Variants in SPATS2 observed in about 807,000 individuals in gnomAD.
The protein encoded by SPATS2 is spermatogenesis associated serine rich 2.
Under a neutral mutation model 63.7 loss-of-function variants are expected in SPATS2, and 38 were observed. That is an observed-to-expected ratio of 0.60 (90% confidence interval 0.46 to 0.78). The LOEUF (loss-of-function observed/expected upper bound fraction) is 0.78, where lower values mean the gene tolerates loss of function less well. SPATS2 is among the 30% of genes least tolerant of loss of function. The pLI is 0.00. For missense variants in SPATS2, 588 were observed against 666.2 expected (o/e 0.88, Z 1.29); for synonymous variants, 207 against 232.9 (o/e 0.89, Z 1.01).
Position 49,526,348 on chromosome 12 carries a change from G to A in SPATS2, c.*93G>A. 7.1e-7 allele frequency: 1 copy of A among 1,403,610 alleles called. No individual in the cohort carries two copies. Among genetic ancestry groups the A allele is most frequent in the Non-Finnish European group, 9.5e-7 (1 of 1,052,324 alleles). 86.9% of individuals were successfully genotyped at this position (1,403,610 alleles called of 1,614,324 possible). A position where few individuals can be genotyped will look rare whatever the true frequency, so the allele number is the denominator to read the frequency against. On this transcript the variant is annotated 3_prime_UTR_variant, in exon 14 of 14. Transcript: ENST00000552918. ...TTACAGTTAGATGTAATAACAAAAA[G>A]AAGTTTATGCGTATCACTTTTTGTG... is the stretch of plus-strand genomic sequence containing the variant.
At chr12:49,518,697 G>A (rs1365876391) in intron 10 of SPATS2, among the ~76,000 whole-genome samples, 2 of 152,148 alleles carry the variant, frequency 1.3e-5, no homozygotes, top group African/African-American at 4.8e-5. Context: ...CGTTTCCCCT[G>A]GAGAGGAGAC....
intron 12 of SPATS2, among the ~76,000 whole-genome samples, chr12:49,523,908 T>A (rs1424831331): frequency 6.6e-6 from 1 of 151,662 alleles, no homozygotes; most frequent in Non-Finnish European, 1.5e-5. Context: ...GCTGAGATTG[T>A]GCCACTGCAC....
chr12:49,446,404 G>C (rs1945511682), intron 2 of SPATS2, among the ~76,000 whole-genome samples: 1 of 152,210 alleles, frequency 6.6e-6, no homozygotes, highest in South Asian at 2.1e-4. Context: ...TGAAACCAAG[G>C]CAAGGCTTTG....
At chr12:49,522,673 T>C in intron 11 of SPATS2, 78 bp from the exon 12 acceptor site, 1 of 1,170,240 alleles carries the variant, frequency 8.5e-7, no homozygotes. Context: ...AAAATGATTG[T>C]TTAATCTGTA....
chr12:49,495,674 A>T (rs1183839267), intron 7 of SPATS2, among the ~76,000 whole-genome samples: 4 of 152,302 alleles, frequency 2.6e-5, no homozygotes, highest in Non-Finnish European at 2.9e-5. Context: ...TGCAAAAATT[A>T]AAAAAATTGC....
intron 11 of SPATS2, 109 bp from the exon 12 acceptor site, chr12:49,522,642 G>C (rs1447109230): frequency 2.4e-6 from 2 of 829,114 alleles, no homozygotes; most frequent in African/African-American, 3.4e-5. Context: ...AATAAACTTT[G>C]AAGCAATAAA....
In SPATS2 at chr12:49,470,568, A is replaced by G. The variant is rs12314311; in HGVS notation, c.25+9531A>G. Among the ~76,000 whole-genome samples the G allele has an allele frequency of 1.3e-3, 195 of 152,322 alleles. 1 individual carries two copies. Among genetic ancestry groups the G allele is most frequent in the African/African-American group, 4.2e-3 (176 of 41,582 alleles). ...TAGAGATCAGAGAAAGAAAAATATA[A>G]CTTAGGAGCAGTTCACCAGCTGGTA... On this transcript the variant is annotated intron_variant, in intron 3 of 13. Coordinates refer to ENST00000552918, the MANE Select transcript of SPATS2 (RefSeq NM_023071.4).
intron 9 of SPATS2, among the ~76,000 whole-genome samples, chr12:49,508,841 A>G (rs1447150330): frequency 6.6e-6 from 1 of 151,470 alleles, no homozygotes; most frequent in East Asian, 1.9e-4. Context: ...AGGCGGGTGG[A>G]TCATCTGAGG....
rs576914159 is a variant in SPATS2, at chr12:49,457,538, A to G, written c.-243-3232A>G. Among the ~76,000 whole-genome samples, 5 of 152,030 alleles carry G rather than the reference A, an allele frequency of 3.3e-5. No individual in the cohort carries two copies. The South Asian group carries it at 1.0e-3, about 32-fold the overall frequency. ...AACCTCCGCCTCCCGGGTTCAAGCA[A>G]TTCTCCTTCCTCAGCCTCCCGAGTA... On this transcript the variant is annotated intron_variant, in intron 2 of 13. Coordinates refer to ENST00000552918, the MANE Select transcript of SPATS2 (RefSeq NM_023071.4).
At chr12:49,503,688 G>A (rs1946607891) in intron 9 of SPATS2, among the ~76,000 whole-genome samples, 1 of 152,012 alleles carries the variant, frequency 6.6e-6, no homozygotes, top group African/African-American at 2.4e-5. Context: ...AGTGTAGTAG[G>A]TCATCACAAC....
intron 3 of SPATS2, among the ~76,000 whole-genome samples, chr12:49,464,712 C>G (rs1945881297): frequency 6.6e-6 from 1 of 151,650 alleles, no homozygotes; most frequent in East Asian, 1.9e-4. Flanking sequence ...TGTTACAGTC[C>G]CAGCTATTTG....
intron 2 of SPATS2, among the ~76,000 whole-genome samples, chr12:49,456,315 G>A (rs780893643): frequency 1.2e-4 from 18 of 152,166 alleles, no homozygotes; most frequent in Non-Finnish European, 2.5e-4. Context: ...AGTATTCCAT[G>A]TAGATAACTG....
At chr12:49,514,216 T>A (rs977711013) in intron 9 of SPATS2, among the ~76,000 whole-genome samples, 1 of 147,492 alleles carries the variant, frequency 6.8e-6, no homozygotes, top group Non-Finnish European at 1.5e-5. Context: ...CCACACGGAC[T>A]TTTGCTTTAG....
At chr12:49,479,831 T>C (rs1350394993) in intron 3 of SPATS2, among the ~76,000 whole-genome samples, 6 of 152,244 alleles carry the variant, frequency 3.9e-5, no homozygotes, top group Admixed American at 3.9e-4. Context: ...ATCAAGGTAC[T>C]GTTAAAATAA....
chr12:49,447,672 A>T (rs948295770), intron 2 of SPATS2, among the ~76,000 whole-genome samples: 2 of 152,124 alleles, frequency 1.3e-5, no homozygotes, highest in Non-Finnish European at 1.5e-5. Flanking sequence ...CAATTTCTTG[A>T]TATCCTACCC....
chr12:49,471,878 G>A (rs1272497074), intron 3 of SPATS2, among the ~76,000 whole-genome samples: 2 of 152,180 alleles, frequency 1.3e-5, no homozygotes, highest in South Asian at 2.1e-4. Flanking sequence ...GCTGGGTGCA[G>A]TGGCTCGTAC....
At chr12:49,505,804 T>C (rs1946645768) in intron 9 of SPATS2, among the ~76,000 whole-genome samples, 1 of 152,214 alleles carries the variant, frequency 6.6e-6, no homozygotes, top group Admixed American at 6.5e-5. Context: ...AATGTATATA[T>C]TCAGACTTAT....
chr12:49,371,764 T>C (rs1396498215), intron 2 of SPATS2, among the ~76,000 whole-genome samples: 2 of 151,894 alleles, frequency 1.3e-5, no homozygotes, highest in Non-Finnish European at 2.9e-5. Context: ...TGGGGGGAAG[T>C]GCTACACACG....
At chr12:49,448,098 TATACCCC>T (rs1945547675) in intron 2 of SPATS2, among the ~76,000 whole-genome samples, 1 of 151,650 alleles carries the variant, frequency 6.6e-6, no homozygotes, top group Admixed American at 6.6e-5. Context: ...CCAATTTAGC[TATACCCC>T]ATAAATTTTG....
Sources: gnomAD v4.1 joint callset for allele counts (sites outside exome capture counted in the v4.1 genomes callset) on GRCh38, gnomAD v4.1.1 for gene constraint, MANE v1.5 for transcripts, NCBI Gene and HGNC (gene_info 2026-07-23, HGNC 2026-07-21) for gene names.